Variants in ZBTB5 observed in about 807,000 individuals in gnomAD.
ZBTB5 encodes zinc finger and BTB domain containing 5.
In ZBTB5, 15 loss-of-function variants were observed where a neutral mutation model predicts 37.9. The ratio of observed to expected loss-of-function variants is 0.40; its 90% CI spans 0.26 to 0.61. ZBTB5 has a LOEUF of 0.61. ZBTB5 is among the 20% of genes least tolerant of loss of function. ZBTB5 has a pLI of 0.47. For missense variants in ZBTB5, 708 were observed against 856.8 expected, an observed-to-expected ratio of 0.83 and a Z score of 2.17; for synonymous variants, 315 against 312.4, an observed-to-expected ratio of 1.01 and a Z score of -0.09.
At chr9:37,442,645 G>A (rs2118934309) in intron 1 of ZBTB5, 90 bp from the exon 2 acceptor site, 1 of 1,044,212 alleles carries the variant, frequency 9.6e-7, no homozygotes, top group East Asian at 2.6e-5. Flanking sequence ...TGGAATGGAT[G>A]GCCAAGCTTG....
intron 1 of ZBTB5, among the ~76,000 whole-genome samples, chr9:37,453,350 CTTTT>C (rs35497538): frequency 4.1e-5 from 6 of 146,010 alleles, no homozygotes; most frequent in Middle Eastern, 3.5e-3. Flanking sequence ...CCACACGCAG[CTTTT>C]TTTTTTTGTA....
intron 1 of ZBTB5, among the ~76,000 whole-genome samples, chr9:37,452,325 G>A (rs983463381): frequency 6.6e-6 from 1 of 152,128 alleles, no homozygotes; most frequent in Non-Finnish European, 1.5e-5. Context: ...TAAAAATGGG[G>A]TCATGAGTTA....
chr9:37,440,813 C>A lies in ZBTB5; in HGVS notation c.1739G>T (p.Gly580Val), dbSNP rs1823852898. 6.2e-7 allele frequency: 1 copy of A among 1,614,216 alleles called. No individual in the cohort carries two copies. The highest frequency in any genetic ancestry group is 1.3e-5 in the African/African-American group (1 of 75,044). Residue 580 changes from glycine (G) to valine (V), a missense_variant, in exon 2 of 2, where the codon GGC becomes GTC. Coordinates refer to ENST00000307750, the MANE Select transcript of ZBTB5 (RefSeq NM_014872.3). ...SFENGHPSQP[G>V]PPQLTRASAD... Reference sequence around the variant, plus strand: ...AGATGCCCTGGTCAACTGTGGAGGGCCAGGCTGGGAAGGATGGCCATTTTC... The same window carrying A: ...AGATGCCCTGGTCAACTGTGGAGGGACAGGCTGGGAAGGATGGCCATTTTC...
intron 1 of ZBTB5, among the ~76,000 whole-genome samples, chr9:37,448,080 A>C (rs1167137765): frequency 1.3e-5 from 2 of 152,198 alleles, no homozygotes; most frequent in Non-Finnish European, 2.9e-5. Context: ...ATCTTTGAAA[A>C]GAGGCTACTG....
intron 1 of ZBTB5, among the ~76,000 whole-genome samples, chr9:37,462,533 C>T (rs1037914069): frequency 9.2e-5 from 14 of 151,712 alleles, no homozygotes; most frequent in African/African-American, 3.4e-4. Flanking sequence ...CTGTCGTGCC[C>T]ACCTTTGAGT....
At chr9:37,453,581 G>A (rs1362559839) in intron 1 of ZBTB5, among the ~76,000 whole-genome samples, 1 of 152,128 alleles carries the variant, frequency 6.6e-6, no homozygotes, top group Non-Finnish European at 1.5e-5. Flanking sequence ...TTCGGGGAGA[G>A]GGGGTCCCTC....
chr9:37,447,674 C>T (rs917173769), intron 1 of ZBTB5, among the ~76,000 whole-genome samples: 2 of 152,084 alleles, frequency 1.3e-5, no homozygotes, highest in African/African-American at 4.8e-5. Context: ...ATCTTCAAAA[C>T]AACAGTGGCA....
At chr9:37,461,132 G>A (rs1414239908) in intron 1 of ZBTB5, among the ~76,000 whole-genome samples, 1 of 152,084 alleles carries the variant, frequency 6.6e-6, no homozygotes, top group African/African-American at 2.4e-5. Context: ...TTCAAAATAA[G>A]TACAATCTAA....
intron 1 of ZBTB5, among the ~76,000 whole-genome samples, chr9:37,443,834 G>T (rs963397941): frequency 2.0e-5 from 3 of 152,216 alleles, no homozygotes; most frequent in Non-Finnish European, 4.4e-5. Flanking sequence ...GCTGAAGGGG[G>T]AGGATCACTT....
At chr9:37,464,436 T>C (rs1263350181) in intron 1 of ZBTB5, among the ~76,000 whole-genome samples, 4 of 152,232 alleles carry the variant, frequency 2.6e-5, no homozygotes, top group African/African-American at 9.7e-5. Context: ...CCAAATTATT[T>C]AGGATTTGCC....
Position 37,442,127 on chromosome 9 carries a change from C to G in ZBTB5, c.425G>C (p.Arg142Pro). 6.2e-7 allele frequency: 1 copy of G among 1,614,156 alleles called. No individual in the cohort carries two copies. The highest frequency in any genetic ancestry group is 2.2e-5 in the East Asian group (1 of 44,888). ...TCCCAGCTGCTGTAGCATAAAGGAG[C>G]GCTGCATGCGGGCGCTCTGCTCCTG... is the stretch of plus-strand genomic sequence containing the variant. ...RVQEQSARMQ[R>P]SFMLQQLGLS... The change falls in exon 2 of 2, where the codon CGC (arginine) becomes CCC (proline). Residue 142 changes from arginine to proline, a missense_variant. Transcript: ENST00000307750.
At chr9:37,461,084 AC>A (rs924788305) in intron 1 of ZBTB5, among the ~76,000 whole-genome samples, 2 of 152,182 alleles carry the variant, frequency 1.3e-5, no homozygotes, top group African/African-American at 4.8e-5. Flanking sequence ...TCAGCAAGTG[AC>A]CTTCACTTGA....
chr9:37,442,789 C>T (rs1019366537), intron 1 of ZBTB5, among the ~76,000 whole-genome samples: 3 of 152,162 alleles, frequency 2.0e-5, no homozygotes, highest in African/African-American at 7.2e-5. Flanking sequence ...ACAGGCTCCC[C>T]TTTACTCTTC....
chr9:37,447,047 TTA>T (rs1209742547), intron 1 of ZBTB5, among the ~76,000 whole-genome samples: 2 of 152,194 alleles, frequency 1.3e-5, no homozygotes, highest in Admixed American at 1.3e-4. Context: ...ACCCAGTGTA[TTA>T]GTCTGTTTTC....
At chr9:37,461,904 G>T (rs1307036562) in intron 1 of ZBTB5, among the ~76,000 whole-genome samples, 1 of 152,002 alleles carries the variant, frequency 6.6e-6, no homozygotes, top group Non-Finnish European at 1.5e-5. Flanking sequence ...AAAATATCAC[G>T]CTCGATAGGC....
rs1036234814 is a variant in ZBTB5 at position 37,452,712 on chromosome 9, G to A, written c.-4-10157C>T. Among the ~76,000 whole-genome samples the A allele has an allele frequency of 3.3e-5, 5 of 152,316 alleles. No homozygotes were observed. In the South Asian group the frequency reaches 6.2e-4, roughly 19 times the overall value. ...AGGGGTGCTCTGGAGTATAAACAAT[G>A]CCTCTGAGTTTGAGCCACCTCAAGG... On this transcript the variant is annotated intron_variant, in intron 1 of 1. Transcript: ENST00000307750.
chr9:37,453,599 T>C (rs908563338), intron 1 of ZBTB5, among the ~76,000 whole-genome samples: 8 of 152,170 alleles, frequency 5.3e-5, no homozygotes, highest in African/African-American at 1.4e-4. Flanking sequence ...CTCTATGTCA[T>C]TGGAGAAAAT....
chr9:37,450,864 CAAA>C (rs111813981), intron 1 of ZBTB5, among the ~76,000 whole-genome samples: 1 of 125,662 alleles, frequency 8.0e-6, no homozygotes, highest in Non-Finnish European at 1.7e-5. Context: ...AACTCCATCT[CAAA>C]AAAAAAAAAA....
Position 37,440,374 on chromosome 9 carries a change from C to T in ZBTB5, c.*144G>A. The T allele has an allele frequency of 1.5e-6, 1 of 657,434 alleles. No homozygotes were observed. The highest frequency in any genetic ancestry group is 2.7e-5 in the East Asian group (1 of 36,636). The allele number at this position is 657,434 out of a possible 1,614,324, so 40.7% of individuals were successfully genotyped here. A position where few individuals can be genotyped will look rare whatever the true frequency, so the allele number is the denominator to read the frequency against. The stretch of plus-strand genomic sequence containing the variant: ...CAGAAATGCAGCAGCACAAATACTA[C>T]ATGTTAGTTCTCCGGTTATTAGTTG... On this transcript the variant is annotated 3_prime_UTR_variant, in exon 2 of 2. Coordinates refer to ENST00000307750, the MANE Select transcript of ZBTB5 (RefSeq NM_014872.3).
Sources: gnomAD v4.1 joint callset for allele counts (sites outside exome capture counted in the v4.1 genomes callset) on GRCh38, gnomAD v4.1.1 for gene constraint, MANE v1.5 for transcripts, NCBI Gene and HGNC (gene_info 2026-07-23, HGNC 2026-07-21) for gene names.